Variants in KATNA1 observed in about 807,000 individuals in gnomAD.
KATNA1 encodes katanin p60 ATPase-containing subunit A1.
A neutral mutation model predicts 62.6 loss-of-function variants in KATNA1; 42 were observed. The ratio of observed to expected loss-of-function variants is 0.67; its 90% CI spans 0.52 to 0.87. The LOEUF is 0.87. Ranked by LOEUF, KATNA1 falls within the 40% of genes least tolerant of loss-of-function variation. The pLI is 0.00. For missense variants in KATNA1, 498 were observed against 612.5 expected, an observed-to-expected ratio of 0.81 and a Z score of 1.97; for synonymous variants, 186 against 201.9, an observed-to-expected ratio of 0.92 and a Z score of 0.67.
chr6:149,646,501 C>T (rs958774662), intron 1 of KATNA1, among the ~76,000 whole-genome samples: 4 of 152,122 alleles, frequency 2.6e-5, no homozygotes, highest in Admixed American at 2.0e-4. Flanking sequence ...ATGAAAGAAA[C>T]CACATGCTAA....
intron 1 of KATNA1, among the ~76,000 whole-genome samples, 188 bp from the exon 2 acceptor site, chr6:149,638,748 T>G (rs1243362261): frequency 1.4e-5 from 2 of 143,418 alleles, no homozygotes; most frequent in African/African-American, 2.6e-5. Context: ...TTTTTTTTTT[T>G]TTTTTTGAGA....
chr6:149,643,620 T>C lies in KATNA1; in HGVS notation c.-14+4849A>G, dbSNP rs987232971. ...TATTTACTGATACATCTCTAGCACC[T>C]AGAACCATGTCCTCAAATGTAGATC... On this transcript the variant is annotated intron_variant, in intron 1 of 10. Coordinates refer to ENST00000367411, the MANE Select transcript of KATNA1 (RefSeq NM_007044.4). 3.9e-5 allele frequency among the ~76,000 whole-genome samples: 6 copies of C among 152,146 alleles called. No individual in the cohort carries two copies. The South Asian group carries it at 1.2e-3, about 32-fold the overall frequency.
chr6:149,610,099 C>CA (rs958933815), intron 4 of KATNA1, among the ~76,000 whole-genome samples: 2,706 of 49,800 alleles, frequency 0.054, 141 homozygotes, highest in African/African-American at 0.11. Context: ...AACTCCGTCT[C>CA]AAAAAAAAAA....
Position 149,610,328 on chromosome 6 carries a change from G to A in KATNA1, c.502-5546C>T, listed in dbSNP as rs145483575. 2.1e-3 allele frequency among the ~76,000 whole-genome samples: 310 copies of A among 149,564 alleles called. 1 individual carries two copies. The highest frequency in any genetic ancestry group is 7.2e-3 in the African/African-American group (294 of 40,868). ...AAAAAAAAAAATCAGCAAGGATATAGAGCTCAATAACACCACCATCCAAAG... is the reference window on the plus strand; with the variant it reads ...AAAAAAAAAAATCAGCAAGGATATAAAGCTCAATAACACCACCATCCAAAG... On this transcript the variant is annotated intron_variant, in intron 4 of 10. Coordinates refer to ENST00000367411, the MANE Select transcript of KATNA1 (RefSeq NM_007044.4).
At chr6:149,616,745 C>A (rs1779182182) in intron 4 of KATNA1, among the ~76,000 whole-genome samples, 1 of 152,060 alleles carries the variant, frequency 6.6e-6, no homozygotes, top group Non-Finnish European at 1.5e-5. Context: ...CAGAGCAAGA[C>A]TCTGTCTTAA....
At chr6:149,607,204 C>A (rs1223416404) in intron 4 of KATNA1, among the ~76,000 whole-genome samples, 1 of 152,176 alleles carries the variant, frequency 6.6e-6, no homozygotes, top group Non-Finnish European at 1.5e-5. Context: ...AAGAAAGAAA[C>A]AGTGTTGTAA....
intron 1 of KATNA1, among the ~76,000 whole-genome samples, chr6:149,646,284 T>C (rs1406346901): frequency 1.3e-5 from 2 of 152,170 alleles, no homozygotes; most frequent in Admixed American, 6.5e-5. Context: ...TAGAATATTA[T>C]TAAACACAGA....
chr6:149,597,397 T>G, intron 9 of KATNA1, 110 bp downstream of exon 9: 1 of 1,342,364 alleles, frequency 7.4e-7, no homozygotes. Context: ...TAAAGGAAGA[T>G]ACTCCTCATG....
At chr6:149,620,281 G>C (rs190621719) in intron 4 of KATNA1, among the ~76,000 whole-genome samples, 1 of 152,140 alleles carries the variant, frequency 6.6e-6, no homozygotes, top group African/African-American at 2.4e-5. Flanking sequence ...TAGTGCTATA[G>C]GGTGACTGTA....
At chr6:149,630,668 T>A (rs1562297144) in intron 3 of KATNA1, among the ~76,000 whole-genome samples, 1 of 152,118 alleles carries the variant, frequency 6.6e-6, no homozygotes, top group African/African-American at 2.4e-5. Flanking sequence ...TAAGAAATAA[T>A]CAGTACTCAT....
intron 1 of KATNA1, 123 bp from the exon 2 acceptor site, chr6:149,638,683 T>A: frequency 1.9e-6 from 1 of 535,006 alleles, no homozygotes; most frequent in Non-Finnish European, 3.3e-6. Context: ...ACACTTCCCA[T>A]CTCTATATGT....
At position 149,622,960 on chromosome 6, in the gene KATNA1, G is replaced by C. The variant is rs528048282; in HGVS notation, c.501+143C>G. ...GGAGGTGGAAGTTGCAGTGAGCCAA[G>C]ATCATGCCACTGCACCCCAGCCTGG... On this transcript the variant is annotated intron_variant, in intron 4 of 10. Transcript: ENST00000367411. 50 of 557,716 alleles carry C rather than the reference G, an allele frequency of 9.0e-5. No homozygotes were observed. The African/African-American group carries it at 9.2e-4, about 10-fold the overall frequency. 34.5% of individuals were successfully genotyped at this position (557,716 alleles called of 1,614,324 possible).
At chr6:149,600,029 A>G (rs567662886) in intron 7 of KATNA1, among the ~76,000 whole-genome samples, 1 of 152,098 alleles carries the variant, frequency 6.6e-6, no homozygotes, top group African/African-American at 2.4e-5. Flanking sequence ...CTGAGAGTTC[A>G]TTACCCTAAG....
At chr6:149,595,324 G>A in intron 10 of KATNA1, 90 bp from the exon 11 acceptor site, 1 of 888,058 alleles carries the variant, frequency 1.1e-6, no homozygotes, top group Non-Finnish European at 1.7e-6. Flanking sequence ...CAATTGATCT[G>A]TTGTAGCATT....
chr6:149,599,624 TCTC>T (rs1366381085), intron 7 of KATNA1, among the ~76,000 whole-genome samples: 1 of 151,618 alleles, frequency 6.6e-6, no homozygotes, highest in African/African-American at 2.4e-5. Context: ...TTCAAGCAAT[TCTC>T]CTGCCTCAGC....
chr6:149,628,408 C>T (rs1473828249), intron 3 of KATNA1, among the ~76,000 whole-genome samples: 2 of 151,850 alleles, frequency 1.3e-5, no homozygotes, highest in African/African-American at 4.8e-5. Context: ...CGTGCCTGGC[C>T]TGTACTCACA....
At chr6:149,632,395 AG>A (rs1562298256) in intron 3 of KATNA1, among the ~76,000 whole-genome samples, 2 of 152,014 alleles carry the variant, frequency 1.3e-5, no homozygotes, top group African/African-American at 2.4e-5. Flanking sequence ...AAGAAAAAAA[AG>A]AAAAATCTGA....
chr6:149,625,295 T>C (rs1166244228), intron 3 of KATNA1, among the ~76,000 whole-genome samples: 1 of 151,984 alleles, frequency 6.6e-6, no homozygotes, highest in Non-Finnish European at 1.5e-5. Flanking sequence ...GAGGGCCTAG[T>C]TTAAGGGAGT....
intron 2 of KATNA1, among the ~76,000 whole-genome samples, chr6:149,634,464 A>C (rs9800686): frequency 0.35 from 52,420 of 151,846 alleles, 10,671 homozygotes; most frequent in East Asian, 0.81. Flanking sequence ...GGGAAAAAAA[A>C]CCATCAAAGC....
Sources: gnomAD v4.1 joint callset for allele counts (sites outside exome capture counted in the v4.1 genomes callset) on GRCh38, gnomAD v4.1.1 for gene constraint, MANE v1.5 for transcripts, NCBI Gene and HGNC (gene_info 2026-07-23, HGNC 2026-07-21) for gene names.